Variants in EVA1A observed in about 807,000 individuals in gnomAD.
EVA1A encodes the protein eva-1 homolog A, regulator of programmed cell death, also known as protein eva-1 homolog A.
In EVA1A, 7 loss-of-function variants were observed where a neutral mutation model predicts 9.8. The observed-to-expected ratio is 0.71, with a 90% CI of 0.41 to 1.34. The LOEUF is 1.34. Ranked by LOEUF, EVA1A falls within the 40% of genes most tolerant of loss-of-function variation. The pLI is 0.01. For synonymous variants in EVA1A, 90 were observed against 85.6 expected (o/e 1.05, Z -0.28); for missense variants, 206 against 205.9 (o/e 1.00, Z 0.00).
intron 1 of EVA1A, among the ~76,000 whole-genome samples, chr2:75,539,011 T>G (rs1228315576): frequency 3.9e-5 from 6 of 152,186 alleles, no homozygotes; most frequent in Admixed American, 3.3e-4. Flanking sequence ...AAATGGAATA[T>G]GGGAGCTCTG....
At chr2:75,545,588 C>T (rs1558689809) in intron 1 of EVA1A, among the ~76,000 whole-genome samples, 2 of 152,112 alleles carry the variant, frequency 1.3e-5, no homozygotes, top group Non-Finnish European at 2.9e-5. Context: ...AGTGAGATTT[C>T]TGGACTTGTG....
intron 3 of EVA1A, among the ~76,000 whole-genome samples, chr2:75,505,665 T>A (rs993097900): frequency 6.6e-6 from 1 of 151,858 alleles, no homozygotes; most frequent in East Asian, 1.9e-4. Context: ...ACAAAAAAAT[T>A]TAGCTGGGCA....
chr2:75,551,823 T>C (rs530696407), intron 1 of EVA1A, among the ~76,000 whole-genome samples: 89 of 152,304 alleles, frequency 5.8e-4, no homozygotes, highest in African/African-American at 2.1e-3. Context: ...TAATTCCTCT[T>C]CCCATACTCC....
chr2:75,552,590 C>T (rs1676563761), intron 1 of EVA1A, among the ~76,000 whole-genome samples: 2 of 152,240 alleles, frequency 1.3e-5, no homozygotes, highest in South Asian at 4.2e-4. Flanking sequence ...TAGTAAGTCA[C>T]AACAATATTA....
intron 3 of EVA1A, among the ~76,000 whole-genome samples, chr2:75,495,796 A>C (rs1200457045): frequency 6.6e-6 from 1 of 152,220 alleles, no homozygotes; most frequent in African/African-American, 2.4e-5. Flanking sequence ...AATATTGTCC[A>C]AATATGTTCC....
At chr2:75,546,650 T>C (rs1676339592) in intron 1 of EVA1A, among the ~76,000 whole-genome samples, 1 of 152,130 alleles carries the variant, frequency 6.6e-6, no homozygotes, top group Non-Finnish European at 1.5e-5. Context: ...TCCTGAATTC[T>C]TCTTGGGAAA....
chr2:75,519,278 C>G (rs1382710386), intron 2 of EVA1A, among the ~76,000 whole-genome samples: 7 of 152,160 alleles, frequency 4.6e-5, no homozygotes, highest in Admixed American at 3.9e-4. Flanking sequence ...AATTGAGTCA[C>G]AGAGTGTAGA....
At chr2:75,565,663 C>T (rs747280881), upstream of EVA1A, among the ~76,000 whole-genome samples, 1 of 152,172 alleles carries the variant, frequency 6.6e-6, no homozygotes, top group Non-Finnish European at 1.5e-5. Context: ...AAACTTCCAG[C>T]TCTTATTAAT....
intron 1 of EVA1A, among the ~76,000 whole-genome samples, chr2:75,543,775 A>G (rs536668997): frequency 5.9e-5 from 9 of 152,152 alleles, no homozygotes; most frequent in Non-Finnish European, 1.2e-4. Flanking sequence ...CAGCACAGAC[A>G]AACTGCTGAG....
chr2:75,543,093 C>T (rs1461766843), intron 1 of EVA1A, among the ~76,000 whole-genome samples: 2 of 152,284 alleles, frequency 1.3e-5, no homozygotes, highest in South Asian at 2.1e-4. Flanking sequence ...ATCCATACCA[C>T]ACTGGGCATA....
chr2:75,511,906 G>C (rs1674827360), intron 3 of EVA1A, among the ~76,000 whole-genome samples: 1 of 152,092 alleles, frequency 6.6e-6, no homozygotes, highest in African/African-American at 2.4e-5. Flanking sequence ...ATGATGGTAA[G>C]GTGATAAGGA....
intron 1 of EVA1A, among the ~76,000 whole-genome samples, chr2:75,532,700 A>G (rs1034135416): frequency 6.6e-6 from 1 of 152,230 alleles, no homozygotes; most frequent in African/African-American, 2.4e-5. Flanking sequence ...AGAGGAACTG[A>G]GAAAGTAATC....
chr2:75,502,085 C>G (rs769961052), intron 3 of EVA1A, among the ~76,000 whole-genome samples: 3 of 152,220 alleles, frequency 2.0e-5, no homozygotes, highest in Non-Finnish European at 2.9e-5. Context: ...CATGCAATAA[C>G]TCAACCTCTC....
At chr2:75,532,159 C>CAAAAAAA (rs543115764) in intron 1 of EVA1A, among the ~76,000 whole-genome samples, 2 of 57,870 alleles carry the variant, frequency 3.5e-5, no homozygotes, top group East Asian at 5.8e-4. Context: ...GACTCTGTCT[C>CAAAAAAA]AAAAAAAAAA....
intron 1 of EVA1A, among the ~76,000 whole-genome samples, chr2:75,546,267 A>G (rs1676325595): frequency 6.6e-6 from 1 of 152,194 alleles, no homozygotes; most frequent in Non-Finnish European, 1.5e-5. Context: ...CGCCAAGAGC[A>G]GGAACTATTT....
intron 1 of EVA1A, among the ~76,000 whole-genome samples, chr2:75,531,169 ATAAAG>A (rs536398024): frequency 1.3e-5 from 2 of 152,230 alleles, no homozygotes; most frequent in Non-Finnish European, 2.9e-5. Flanking sequence ...AAAAACAAAA[ATAAAG>A]TATTTAGGAA....
upstream of EVA1A, among the ~76,000 whole-genome samples, chr2:75,563,490 A>G (rs895803341): frequency 4.6e-5 from 7 of 152,196 alleles, no homozygotes; most frequent in Admixed American, 3.3e-4. Context: ...ACGTGTGTTC[A>G]TGTGTGTGTG....
chr2:75,561,179 C>T (rs1294266500), upstream of EVA1A: 2 of 152,140 alleles, frequency 1.3e-5, no homozygotes, highest in African/African-American at 4.8e-5. Flanking sequence ...CGGGGAGGTT[C>T]CCCATCGGCA....
rs1387852627 is a variant in EVA1A, at chr2:75,518,051, C to T, written c.85+5G>A. ...GTCCTGGCCCAGTGGAAACCAGGCA[C>T]CTACCTGAGACAAAGGAATAGGCCG... On this transcript the variant is annotated splice_donor_5th_base_variant and intron_variant, in intron 3 of 3. Coordinates refer to ENST00000393913, the MANE Select transcript of EVA1A (RefSeq NM_001135032.2). 8.7e-6 allele frequency: 14 copies of T among 1,613,820 alleles called. No homozygotes were observed. The highest frequency in any genetic ancestry group is 1.1e-5 in the Non-Finnish European group (13 of 1,179,938).
Sources: allele counts gnomAD v4.1 joint callset (sites outside exome capture counted in the v4.1 genomes callset), GRCh38; gene constraint gnomAD v4.1.1; transcripts MANE v1.5; gene names NCBI Gene and HGNC (gene_info 2026-07-23, HGNC 2026-07-21).